The following FBXL17 variants were observed in gnomAD, a reference collection of about 807,000 sequenced individuals.
FBXL17 encodes the protein F-box/LRR-repeat protein 17.
Under a neutral mutation model 66.2 loss-of-function variants are expected in FBXL17, and 22 were observed. The ratio of observed to expected loss-of-function variants is 0.33; its 90% confidence interval spans 0.24 to 0.47. The LOEUF (loss-of-function observed/expected upper bound fraction) is 0.47. Among genes scored for constraint, FBXL17 ranks in the 20% least tolerant of loss-of-function variants. The probability of loss-of-function intolerance (pLI) is 1.00; values close to 1 mark genes in which losing one functional copy is unlikely to be tolerated. For missense variants in FBXL17, 878 were observed against 948.2 expected (o/e 0.93, Z 0.97); for synonymous variants, 474 against 400.5 (o/e 1.18, Z -2.19).
At chr5:107,918,126 C>T (rs1750194086) in intron 7 of FBXL17, among the ~76,000 whole-genome samples, 1 of 152,176 alleles carries the variant, frequency 6.6e-6, no homozygotes, top group Admixed American at 6.5e-5. Flanking sequence ...GGCAGATCTA[C>T]TCACCCTCAG....
intron 4 of FBXL17, among the ~76,000 whole-genome samples, chr5:108,286,188 C>T (rs528785777): frequency 1.3e-5 from 2 of 151,932 alleles, no homozygotes; most frequent in Non-Finnish European, 2.9e-5. Context: ...CAACATCATA[C>T]TGAATGGGCA....
At chr5:108,186,279 A>T (rs1466811179) in intron 5 of FBXL17, 32 bp from the exon 6 acceptor site, 2 of 1,593,394 alleles carry the variant, frequency 1.3e-6, no homozygotes, top group Non-Finnish European at 1.7e-6. Context: ...AAGATGAAAA[A>T]GGTAAATGCT....
At chr5:108,343,495 A>ATAC (rs1356096943) in intron 4 of FBXL17, among the ~76,000 whole-genome samples, 1 of 152,198 alleles carries the variant, frequency 6.6e-6, no homozygotes, top group Non-Finnish European at 1.5e-5. Context: ...GGAGTATTTG[A>ATAC]GAAATAAGAC....
intron 4 of FBXL17, among the ~76,000 whole-genome samples, chr5:108,228,171 C>A (rs1182756746): frequency 2.0e-5 from 3 of 152,110 alleles, no homozygotes; most frequent in Non-Finnish European, 4.4e-5. Context: ...CCCTGGAAAG[C>A]AAGACAAGAT....
intron 4 of FBXL17, chr5:108,298,539 G>C: frequency 1.0e-6 from 1 of 974,284 alleles, no homozygotes. Context: ...ATGATGCTAA[G>C]GAGAAATCAA....
intron 4 of FBXL17, among the ~76,000 whole-genome samples, chr5:108,258,736 C>CCTTTTTTTT (rs1756683287): frequency 7.7e-6 from 1 of 130,098 alleles, no homozygotes; most frequent in African/African-American, 3.7e-5. Flanking sequence ...TGGCCTTTAA[C>CCTTTTTTTT]ATTTTTTTTT....
At chr5:107,946,553 G>A (rs115354560) in intron 7 of FBXL17, among the ~76,000 whole-genome samples, 2,031 of 150,550 alleles carry the variant, frequency 0.013, 47 homozygotes, top group African/African-American at 0.047. Flanking sequence ...GTGATCCTCC[G>A]GCCTTGGCTT....
intron 7 of FBXL17, among the ~76,000 whole-genome samples, chr5:107,948,834 T>C (rs549894349): frequency 6.6e-6 from 1 of 152,346 alleles, no homozygotes; most frequent in East Asian, 1.9e-4. Context: ...GTGCTTAAGA[T>C]AGCTCTTGGT....
At chr5:107,919,294 C>T (rs1045465846) in intron 7 of FBXL17, among the ~76,000 whole-genome samples, 5 of 152,246 alleles carry the variant, frequency 3.3e-5, no homozygotes, top group Middle Eastern at 3.4e-3. Context: ...CGCTTTCCAT[C>T]GATCCAGGAT....
intron 7 of FBXL17, among the ~76,000 whole-genome samples, chr5:107,915,785 C>G (rs1220850361): frequency 1.3e-5 from 2 of 152,212 alleles, no homozygotes; most frequent in Admixed American, 6.5e-5. Flanking sequence ...TTAATCCAAA[C>G]TTGACTTCCC....
intron 6 of FBXL17, among the ~76,000 whole-genome samples, chr5:108,043,086 T>A (rs1368543857): frequency 6.6e-6 from 1 of 152,240 alleles, no homozygotes; most frequent in Non-Finnish European, 1.5e-5. Flanking sequence ...TTTTTAATTA[T>A]AAAATTTCAA....
At chr5:107,932,911 T>G (rs926648268) in intron 7 of FBXL17, among the ~76,000 whole-genome samples, 3 of 152,092 alleles carry the variant, frequency 2.0e-5, no homozygotes, top group Non-Finnish European at 4.4e-5. Context: ...GGATATAAAC[T>G]AGGAAATTTA....
chr5:107,899,886 C>CCCATACTTCA (rs1360457397), intron 7 of FBXL17, among the ~76,000 whole-genome samples: 1 of 152,014 alleles, frequency 6.6e-6, no homozygotes, highest in African/African-American at 2.4e-5. Flanking sequence ...ACACTAAAAG[C>CCCATACTTCA]CCATACTTCA....
intron 6 of FBXL17, among the ~76,000 whole-genome samples, chr5:108,154,095 G>A (rs1751872621): frequency 6.6e-6 from 1 of 151,922 alleles, no homozygotes; most frequent in Admixed American, 6.6e-5. Flanking sequence ...GGTAAATGGT[G>A]GGTTACTTTA....
At chr5:108,143,374 C>T (rs879365520) in intron 6 of FBXL17, among the ~76,000 whole-genome samples, 1 of 151,572 alleles carries the variant, frequency 6.6e-6, no homozygotes, top group South Asian at 2.1e-4. Flanking sequence ...CACACACACA[C>T]ATATACAAAT....
chr5:107,982,289 T>C (rs1438017784), intron 7 of FBXL17, among the ~76,000 whole-genome samples: 1 of 152,128 alleles, frequency 6.6e-6, no homozygotes, highest in Non-Finnish European at 1.5e-5. Context: ...TTTATAGGAT[T>C]ACAGTACTGG....
At chr5:108,329,176 C>T (rs1344580723) in intron 4 of FBXL17, among the ~76,000 whole-genome samples, 2 of 151,908 alleles carry the variant, frequency 1.3e-5, no homozygotes, top group African/African-American at 4.8e-5. Flanking sequence ...TGGAAATAAA[C>T]CCTACAGGAG....
At chr5:108,142,779 C>T (rs1261297527) in intron 6 of FBXL17, among the ~76,000 whole-genome samples, 1 of 151,914 alleles carries the variant, frequency 6.6e-6, no homozygotes, top group Non-Finnish European at 1.5e-5. Context: ...CAGTGGGCAA[C>T]CAAGTATTAT....
chr5:108,104,514 C>T (rs1449400973), intron 6 of FBXL17, among the ~76,000 whole-genome samples: 1 of 152,208 alleles, frequency 6.6e-6, no homozygotes, highest in Non-Finnish European at 1.5e-5. Context: ...TTATTGAGTA[C>T]CTCCTACAGA....
Sources: gnomAD v4.1 joint callset for allele counts (sites outside exome capture counted in the v4.1 genomes callset) on GRCh38, gnomAD v4.1.1 for gene constraint, MANE v1.5 for transcripts, NCBI Gene and HGNC (gene_info 2026-07-23, HGNC 2026-07-21) for gene names.